COP1: variants seen among roughly 807,000 people sequenced by gnomAD.
COP1 encodes the protein E3 ubiquitin-protein ligase COP1.
A neutral mutation model predicts 101.3 loss-of-function variants in COP1; 24 were observed. The observed-to-expected ratio is 0.24, with a 90% CI of 0.17 to 0.33. COP1 has a LOEUF of 0.33. COP1 is among the 10% of genes least tolerant of loss of function. The pLI, the probability that COP1 is intolerant of heterozygous loss-of-function variation, is 1.00. For missense variants in COP1, 663 were observed against 906.2 expected (o/e 0.73, Z 3.45); for synonymous variants, 347 against 341.9 (o/e 1.01, Z -0.17).
intron 5 of COP1, among the ~76,000 whole-genome samples, chr1:176,161,100 T>C (rs1183731365): frequency 2.6e-5 from 4 of 152,214 alleles, no homozygotes; most frequent in Non-Finnish European, 5.9e-5. Context: ...TCCCTATTGC[T>C]GGTGTAGCAT....
chr1:176,184,608 A>G, intron 2 of COP1, 25 bp downstream of exon 2: 2 of 1,549,818 alleles, frequency 1.3e-6, no homozygotes, highest in Non-Finnish European at 1.8e-6. Flanking sequence ...TTAAAAGATT[A>G]TTTTACTCAA....
chr1:176,162,989 C>G lies in COP1; in HGVS notation c.643-1G>C. On this transcript the variant is annotated splice_acceptor_variant, in intron 4 of 19. Transcript: ENST00000367669. LOFTEE classifies it high-confidence loss of function. Reference sequence around the variant, plus strand: ...GAAATATCTGCCACCTGTGGCCATTCTAAAAATGAAGAAAGAAGAAACACA... The same window carrying G: ...GAAATATCTGCCACCTGTGGCCATTGTAAAAATGAAGAAAGAAGAAACACA... 1 of 1,589,684 alleles carries G rather than the reference C, an allele frequency of 6.3e-7. No homozygotes were observed. Among genetic ancestry groups the G allele is most frequent in the Non-Finnish European group, 8.5e-7 (1 of 1,171,228 alleles).
intron 2 of COP1, among the ~76,000 whole-genome samples, chr1:176,181,448 T>C (rs879945016): frequency 2.0e-5 from 3 of 151,362 alleles, no homozygotes; most frequent in Non-Finnish European, 2.9e-5. Flanking sequence ...AAAATCAGTA[T>C]AGCAAGCCTG....
intron 18 of COP1, among the ~76,000 whole-genome samples, chr1:175,960,625 T>C (rs1196138376): frequency 6.6e-6 from 1 of 152,188 alleles, no homozygotes; most frequent in East Asian, 1.9e-4. Flanking sequence ...TAATAATATG[T>C]TATTGGATTT....
chr1:175,951,187 T>A (rs953084950), intron 18 of COP1, among the ~76,000 whole-genome samples: 1 of 151,860 alleles, frequency 6.6e-6, no homozygotes, highest in African/African-American at 2.4e-5. Context: ...AGGTGGAGGC[T>A]ATGGTGAGCC....
At chr1:175,978,526 T>A (rs973912698) in intron 18 of COP1, among the ~76,000 whole-genome samples, 3 of 152,132 alleles carry the variant, frequency 2.0e-5, no homozygotes, top group African/African-American at 7.2e-5. Context: ...ACCTTCTTAT[T>A]TCCTTCCTTT....
chr1:176,073,834 T>C (rs1157017345), intron 11 of COP1, among the ~76,000 whole-genome samples: 1 of 152,254 alleles, frequency 6.6e-6, no homozygotes, highest in Non-Finnish European at 1.5e-5. Flanking sequence ...CTGCAGTAAG[T>C]GACCAACATT....
At chr1:176,189,109 T>G (rs563063010) in intron 1 of COP1, among the ~76,000 whole-genome samples, 29 of 151,910 alleles carry the variant, frequency 1.9e-4, no homozygotes, top group East Asian at 9.7e-4. Flanking sequence ...AAACCAAAAA[T>G]AAAAAGAAAA....
intron 8 of COP1, among the ~76,000 whole-genome samples, chr1:176,127,306 CCTGT>C (rs951333452): frequency 8.5e-5 from 13 of 152,194 alleles, no homozygotes; most frequent in Admixed American, 3.9e-4. Flanking sequence ...ATTGATTCTT[CCTGT>C]CTAACTATAA....
chr1:176,070,882 G>C (rs1676881205), intron 11 of COP1, among the ~76,000 whole-genome samples: 1 of 152,030 alleles, frequency 6.6e-6, no homozygotes, highest in African/African-American at 2.4e-5. Context: ...TGAACTCTTG[G>C]CCTCAAGCAA....
At chr1:176,015,174 T>C (rs1264191186) in intron 15 of COP1, among the ~76,000 whole-genome samples, 2 of 152,140 alleles carry the variant, frequency 1.3e-5, no homozygotes, top group Non-Finnish European at 2.9e-5. Flanking sequence ...TGAAATAATG[T>C]AGGATGAATC....
chr1:176,103,919 G>C (rs1425612163), intron 9 of COP1, among the ~76,000 whole-genome samples: 4 of 152,022 alleles, frequency 2.6e-5, no homozygotes, highest in African/African-American at 4.8e-5. Flanking sequence ...TAGGGAGCTA[G>C]ATAAACTGAT....
At chr1:176,153,814 T>C (rs539054072) in intron 5 of COP1, among the ~76,000 whole-genome samples, 2 of 152,232 alleles carry the variant, frequency 1.3e-5, no homozygotes, top group Non-Finnish European at 2.9e-5. Flanking sequence ...CTGAATTTTG[T>C]TGAAAGTCTT....
chr1:176,162,862 C>G lies in COP1; in HGVS notation c.762+7G>C, dbSNP rs1442687058. ...TAAAATTTTTTTTAAGTTTAGCTAC[C>G]ACTTACTGCTTCCAGTTGTTTCTTC... On this transcript the variant is annotated splice_region_variant and intron_variant, in intron 5 of 19. Coordinates refer to ENST00000367669, the MANE Select transcript of COP1 (RefSeq NM_022457.7). 1 of 1,575,568 alleles carries G rather than the reference C, an allele frequency of 6.3e-7. No individual in the cohort carries two copies. The highest frequency in any genetic ancestry group is 8.6e-7 in the Non-Finnish European group (1 of 1,164,378).
At chr1:176,120,421 T>C (rs1686924123) in intron 8 of COP1, among the ~76,000 whole-genome samples, 1 of 150,440 alleles carries the variant, frequency 6.6e-6, no homozygotes, top group African/African-American at 2.4e-5. Context: ...GGCAAGACTC[T>C]ATCTCCAAAA....
chr1:176,194,508 T>C (rs1017739444), intron 1 of COP1, among the ~76,000 whole-genome samples: 1 of 151,900 alleles, frequency 6.6e-6, no homozygotes, highest in African/African-American at 2.4e-5. Context: ...CATGGTGGCA[T>C]GAGCCTATAA....
chr1:175,980,677 CCA>C (rs1223329738), intron 18 of COP1, among the ~76,000 whole-genome samples: 2 of 152,016 alleles, frequency 1.3e-5, no homozygotes, highest in Non-Finnish European at 2.9e-5. Context: ...ACCCTAATGA[CCA>C]CTGCTTTTTT....
chr1:176,074,537 TAAA>T (rs561140211), intron 11 of COP1, among the ~76,000 whole-genome samples: 1 of 152,160 alleles, frequency 6.6e-6, no homozygotes, highest in Non-Finnish European at 1.5e-5. Context: ...AGAGGTATCT[TAAA>T]AATTTCTTAT....
intron 3 of COP1, among the ~76,000 whole-genome samples, chr1:176,174,993 A>G (rs1246544714): frequency 6.6e-6 from 1 of 152,152 alleles, no homozygotes; most frequent in African/African-American, 2.4e-5. Flanking sequence ...TTTATCATTT[A>G]TACTTAAGGA....
Sources: allele counts gnomAD v4.1 joint callset (sites outside exome capture counted in the v4.1 genomes callset), GRCh38; gene constraint gnomAD v4.1.1; transcripts MANE v1.5; gene names NCBI Gene and HGNC (gene_info 2026-07-23, HGNC 2026-07-21).